SUCLG2: variants seen among roughly 807,000 people sequenced by gnomAD.
The protein encoded by SUCLG2 is succinate-CoA ligase GDP-forming subunit beta, also known as succinate--CoA ligase [GDP-forming] subunit beta, mitochondrial.
SUCLG2 carries 42 observed loss-of-function variants against 47.9 expected under a neutral mutation model. The ratio of observed to expected loss-of-function variants is 0.88; its 90% CI spans 0.69 to 1.14. SUCLG2 has a LOEUF of 1.14. Among genes scored for constraint, SUCLG2 ranks in the 50% most tolerant of loss-of-function variants. The pLI, the probability that SUCLG2 is intolerant of heterozygous loss-of-function variation, is 0.00. For missense variants in SUCLG2, 571 were observed against 525.9 expected (o/e 1.09, Z -0.84); for synonymous variants, 195 against 197.3 (o/e 0.99, Z 0.10).
intron 10 of SUCLG2, among the ~76,000 whole-genome samples, chr3:67,368,898 G>A (rs112249954): frequency 0.15 from 23,201 of 152,052 alleles, 1,921 homozygotes; most frequent in Middle Eastern, 0.23. Context: ...GAGCCACCAG[G>A]CCCGGCTGGC....
chr3:67,536,074 T>C (rs529771699), intron 2 of SUCLG2, among the ~76,000 whole-genome samples: 1 of 152,204 alleles, frequency 6.6e-6, no homozygotes, highest in Admixed American at 6.5e-5. Flanking sequence ...CTACTTGACA[T>C]TAAGGGGATT....
chr3:67,486,493 A>T (rs1351194033), intron 9 of SUCLG2, among the ~76,000 whole-genome samples: 1 of 152,218 alleles, frequency 6.6e-6, no homozygotes, highest in Non-Finnish European at 1.5e-5. Context: ...CATTTTTATG[A>T]GCCTCTAGTC....
intron 2 of SUCLG2, among the ~76,000 whole-genome samples, chr3:67,577,915 C>G (rs1264436972): frequency 7.2e-5 from 11 of 152,174 alleles, no homozygotes; most frequent in Admixed American, 7.2e-4. Context: ...GATACCCTCT[C>G]AAGATCTTAA....
intron 9 of SUCLG2, among the ~76,000 whole-genome samples, chr3:67,489,314 C>T (rs990986398): frequency 8.6e-5 from 13 of 151,924 alleles, no homozygotes; most frequent in African/African-American, 2.9e-4. Flanking sequence ...AAACTACTGC[C>T]GGGGGAAAAA....
chr3:67,621,537 TGA>T (rs1219253227), intron 1 of SUCLG2, among the ~76,000 whole-genome samples: 2 of 152,188 alleles, frequency 1.3e-5, no homozygotes, highest in East Asian at 3.9e-4. Flanking sequence ...GTGGCAGTAT[TGA>T]GAGGTGGGAT....
intron 9 of SUCLG2, among the ~76,000 whole-genome samples, chr3:67,437,053 T>C (rs1237166621): frequency 1.3e-5 from 2 of 152,160 alleles, no homozygotes; most frequent in African/African-American, 4.8e-5. Context: ...CTTAAACACA[T>C]TGAGTATTAT....
At chr3:67,609,105 T>C (rs1273976123) in intron 2 of SUCLG2, among the ~76,000 whole-genome samples, 1 of 152,208 alleles carries the variant, frequency 6.6e-6, no homozygotes, top group Non-Finnish European at 1.5e-5. Flanking sequence ...AGGAAACCTC[T>C]AGGTGTGCCA....
chr3:67,450,180 A>G (rs1311790520), intron 9 of SUCLG2, among the ~76,000 whole-genome samples: 1 of 152,094 alleles, frequency 6.6e-6, no homozygotes, highest in Non-Finnish European at 1.5e-5. Context: ...TAGCTAGGAC[A>G]ACAGACACGT....
At chr3:67,394,570 A>C (rs1306993720) in intron 10 of SUCLG2, among the ~76,000 whole-genome samples, 2 of 150,320 alleles carry the variant, frequency 1.3e-5, no homozygotes, top group African/African-American at 4.9e-5. Context: ...AGTGACGGGG[A>C]GAATGGAACT....
chr3:67,431,746 C>T lies in SUCLG2; in HGVS notation c.1063-30895G>A, dbSNP rs1238540957. 2.1e-4 allele frequency among the ~76,000 whole-genome samples: 12 copies of T among 55,950 alleles called. No homozygotes were observed. The East Asian group carries it at 3.2e-3, about 15-fold the overall frequency. The allele number at this position is 55,950 out of a possible 152,430, so 36.7% of individuals were successfully genotyped here. The stretch of plus-strand genomic sequence containing the variant: ...CACACCGGGGCATGTCGTGGGGTGG[C>T]GGGAGGGGGGAGGGATACCATTAGG... On this transcript the variant is annotated intron_variant, in intron 9 of 10. Transcript: ENST00000307227.
At chr3:67,616,692 T>C (rs1234084444) in intron 1 of SUCLG2, among the ~76,000 whole-genome samples, 2 of 152,230 alleles carry the variant, frequency 1.3e-5, no homozygotes, top group African/African-American at 4.8e-5. Context: ...CTATTAACTT[T>C]TGTGCAAAAC....
At chr3:67,600,756 T>C (rs559997801) in intron 2 of SUCLG2, among the ~76,000 whole-genome samples, 1 of 152,336 alleles carries the variant, frequency 6.6e-6, no homozygotes, top group South Asian at 2.1e-4. Context: ...CAATCCTCCA[T>C]GGTTTTTTTG....
chr3:67,576,989 C>G (rs115115773), intron 2 of SUCLG2, among the ~76,000 whole-genome samples: 1 of 151,968 alleles, frequency 6.6e-6, no homozygotes, highest in Non-Finnish European at 1.5e-5. Context: ...ACTGATTGAT[C>G]GACCCAGGTA....
At chr3:67,539,950 T>C (rs923676758) in intron 2 of SUCLG2, among the ~76,000 whole-genome samples, 1 of 152,054 alleles carries the variant, frequency 6.6e-6, no homozygotes, top group African/African-American at 2.4e-5. Context: ...TCTTCTCTCT[T>C]TTTTTATTAG....
chr3:67,551,815 C>T (rs747241703), intron 2 of SUCLG2, among the ~76,000 whole-genome samples: 3 of 152,126 alleles, frequency 2.0e-5, no homozygotes, highest in Non-Finnish European at 4.4e-5. Context: ...CATTACAAAC[C>T]TCACCTCGTT....
At chr3:67,382,112 G>T (rs577561694) in intron 10 of SUCLG2, among the ~76,000 whole-genome samples, 410 of 152,224 alleles carry the variant, frequency 2.7e-3, no homozygotes, top group African/African-American at 9.3e-3. Context: ...TTTTAAAAAA[G>T]AATACAGTAG....
chr3:67,370,894 C>T (rs918707924), downstream of SUCLG2, among the ~76,000 whole-genome samples: 6 of 152,086 alleles, frequency 3.9e-5, no homozygotes, highest in South Asian at 2.1e-4. Flanking sequence ...TTATTTAAAA[C>T]GATTTATCAT....
chr3:67,596,787 T>A (rs545429539), intron 2 of SUCLG2, among the ~76,000 whole-genome samples: 1 of 152,272 alleles, frequency 6.6e-6, no homozygotes, highest in South Asian at 2.1e-4. Context: ...TTCCTTATAG[T>A]CCCCTCACTT....
intron 2 of SUCLG2, among the ~76,000 whole-genome samples, chr3:67,578,261 A>T (rs924981493): frequency 2.9e-5 from 4 of 138,856 alleles, no homozygotes; most frequent in Admixed American, 7.0e-5. Flanking sequence ...ATATAAAAAA[A>T]TTTTATATAT....
Sources: allele counts gnomAD v4.1 joint callset (sites outside exome capture counted in the v4.1 genomes callset), GRCh38; gene constraint gnomAD v4.1.1; transcripts MANE v1.5; gene names NCBI Gene and HGNC (gene_info 2026-07-23, HGNC 2026-07-21).